Variants in SGMS1 observed in about 807,000 individuals in gnomAD.
The protein encoded by SGMS1 is phosphatidylcholine:ceramide cholinephosphotransferase 1.
Under a neutral mutation model 46.2 loss-of-function variants are expected in SGMS1, and 13 were observed. That is an observed-to-expected ratio of 0.28 (90% CI 0.18 to 0.45). SGMS1 has a LOEUF of 0.45. SGMS1 is among the 20% of genes least tolerant of loss of function. The pLI is 1.00. For synonymous variants in SGMS1, 203 were observed against 187.8 expected, an observed-to-expected ratio of 1.08 and a Z score of -0.66; for missense variants, 324 against 519.9, an observed-to-expected ratio of 0.62 and a Z score of 3.66.
chr10:50,607,547 T>C (rs1838709110), intron 1 of SGMS1, among the ~76,000 whole-genome samples: 2 of 152,330 alleles, frequency 1.3e-5, no homozygotes, highest in South Asian at 2.1e-4. Flanking sequence ...CTCTGTTATC[T>C]TGAAAGCCAA....
upstream of SGMS1, chr10:50,624,827 C>G: frequency 6.1e-6 from 6 of 986,784 alleles, no homozygotes; most frequent in Non-Finnish European, 7.2e-6. Context: ...CGCGCCGCAC[C>G]TCGGTGGCCT....
At chr10:50,515,530 C>T (rs925928550) in intron 3 of SGMS1, among the ~76,000 whole-genome samples, 2 of 152,236 alleles carry the variant, frequency 1.3e-5, no homozygotes, top group Non-Finnish European at 2.9e-5. Flanking sequence ...CCCAGGACAA[C>T]AGAACTGGAG....
intron 3 of SGMS1, among the ~76,000 whole-genome samples, chr10:50,492,652 A>G (rs1837576274): frequency 6.6e-6 from 1 of 152,202 alleles, no homozygotes; most frequent in Non-Finnish European, 1.5e-5. Flanking sequence ...AGAAAGTCAG[A>G]GATGAAACAA....
At chr10:50,544,877 G>A (rs1024476249) in intron 2 of SGMS1, among the ~76,000 whole-genome samples, 5 of 152,128 alleles carry the variant, frequency 3.3e-5, no homozygotes, top group African/African-American at 7.2e-5. Context: ...AACGTGTGCC[G>A]CGTATTTCCA....
At chr10:50,309,308 A>T (rs1450057081) in intron 9 of SGMS1, among the ~76,000 whole-genome samples, 1 of 152,198 alleles carries the variant, frequency 6.6e-6, no homozygotes, top group African/African-American at 2.4e-5. Flanking sequence ...TAGTATCCAT[A>T]TATGCCATCT....
Position 50,617,437 on chromosome 10 carries a change from C to T in SGMS1, c.-684+6270G>A, listed in dbSNP as rs1334280875. Reference sequence around the variant, plus strand: ...GGGGACAAAGGGATTACAAAGGGGCCCAAGGGCAATTTTGGGGTGATGGAA... The same window carrying T: ...GGGGACAAAGGGATTACAAAGGGGCTCAAGGGCAATTTTGGGGTGATGGAA... On this transcript the variant is annotated intron_variant, in intron 1 of 10. Transcript: ENST00000361781. 2.6e-5 allele frequency among the ~76,000 whole-genome samples: 4 copies of T among 152,038 alleles called. No individual in the cohort carries two copies. The South Asian group carries it at 8.3e-4, about 32-fold the overall frequency.
chr10:50,398,137 T>C (rs1848873705), intron 6 of SGMS1, among the ~76,000 whole-genome samples: 2 of 152,196 alleles, frequency 1.3e-5, no homozygotes, highest in South Asian at 4.1e-4. Flanking sequence ...TTGGTGGTTA[T>C]TTTTCCACTC....
chr10:50,370,335 A>G (rs1461193906), intron 6 of SGMS1, among the ~76,000 whole-genome samples: 1 of 152,102 alleles, frequency 6.6e-6, no homozygotes, highest in Non-Finnish European at 1.5e-5. Context: ...AGCTTAAAAC[A>G]CAAACGCATT....
intron 5 of SGMS1, among the ~76,000 whole-genome samples, chr10:50,459,425 C>T (rs569748029): frequency 1.4e-4 from 22 of 151,962 alleles, no homozygotes; most frequent in African/African-American, 4.6e-4. Context: ...TTTTTTTAGA[C>T]GGAGTTTCAC....
intron 7 of SGMS1, among the ~76,000 whole-genome samples, chr10:50,329,150 G>A (rs1222025725): frequency 6.6e-6 from 1 of 152,048 alleles, no homozygotes; most frequent in African/African-American, 2.4e-5. Flanking sequence ...TGCACAAAAG[G>A]TACACATACT....
At chr10:50,356,140 AAG>A (rs1443412723) in intron 6 of SGMS1, among the ~76,000 whole-genome samples, 3 of 152,218 alleles carry the variant, frequency 2.0e-5, no homozygotes, top group Non-Finnish European at 4.4e-5. Context: ...GGGGAAAAGA[AAG>A]AGATCAGATT....
At chr10:50,510,718 G>A (rs1004266656) in intron 3 of SGMS1, among the ~76,000 whole-genome samples, 1 of 151,618 alleles carries the variant, frequency 6.6e-6, no homozygotes, top group Non-Finnish European at 1.5e-5. Context: ...CATATCTTAC[G>A]TAATAACTAT....
intron 2 of SGMS1, among the ~76,000 whole-genome samples, chr10:50,541,437 T>C (rs1279884929): frequency 6.6e-6 from 1 of 152,220 alleles, no homozygotes; most frequent in African/African-American, 2.4e-5. Context: ...TCATTGACTA[T>C]CTAATACATC....
At chr10:50,332,173 G>A (rs1847634541) in intron 7 of SGMS1, among the ~76,000 whole-genome samples, 2 of 152,014 alleles carry the variant, frequency 1.3e-5, no homozygotes, top group Admixed American at 1.3e-4. Flanking sequence ...CTGCCCTCTG[G>A]CCACCCTCCC....
At chr10:50,340,163 G>A (rs1185745016) in intron 7 of SGMS1, among the ~76,000 whole-genome samples, 1 of 152,174 alleles carries the variant, frequency 6.6e-6, no homozygotes, top group Non-Finnish European at 1.5e-5. Context: ...ACCACACTAA[G>A]TCATAATTTC....
rs185325162 is a variant in SGMS1 at position 50,514,508 on chromosome 10, T to G, written c.-498+5323A>C. Among the ~76,000 whole-genome samples, 143 of 152,312 alleles carry G rather than the reference T, an allele frequency of 9.4e-4. 1 individual carries two copies. Among genetic ancestry groups the G allele is most frequent in the African/African-American group, 3.4e-3 (140 of 41,570 alleles). Reference sequence around the variant, plus strand: ...GGGCCCACCTGGACAATTCAGGATGTGCTCCCTATCTCAAGATCCTGAGCT... The same window carrying G: ...GGGCCCACCTGGACAATTCAGGATGGGCTCCCTATCTCAAGATCCTGAGCT... On this transcript the variant is annotated intron_variant, in intron 3 of 10. Coordinates refer to ENST00000361781, the MANE Select transcript of SGMS1 (RefSeq NM_147156.4).
chr10:50,371,987 T>C (rs1848441822), intron 6 of SGMS1, among the ~76,000 whole-genome samples: 1 of 152,202 alleles, frequency 6.6e-6, no homozygotes, highest in Non-Finnish European at 1.5e-5. Flanking sequence ...CAGGATTAAG[T>C]TTCCAACACG....
At chr10:50,543,680 C>T (rs757216951) in intron 2 of SGMS1, among the ~76,000 whole-genome samples, 4 of 152,164 alleles carry the variant, frequency 2.6e-5, no homozygotes, top group East Asian at 1.9e-4. Context: ...AACTTCCTTA[C>T]GAATCCCAAA....
At chr10:50,481,805 G>A (rs948123255) in intron 3 of SGMS1, among the ~76,000 whole-genome samples, 7 of 152,244 alleles carry the variant, frequency 4.6e-5, no homozygotes, top group Admixed American at 2.6e-4. Context: ...CTGTTAACCA[G>A]AATAATCAGT....
Sources: allele counts gnomAD v4.1 joint callset (sites outside exome capture counted in the v4.1 genomes callset), GRCh38; gene constraint gnomAD v4.1.1; transcripts MANE v1.5; gene names NCBI Gene and HGNC (gene_info 2026-07-23, HGNC 2026-07-21).